The following KCNJ3 variants were observed in gnomAD, a reference collection of about 807,000 sequenced individuals.
KCNJ3 encodes the protein G protein-activated inward rectifier potassium channel 1.
KCNJ3 carries 4 observed loss-of-function variants against 39.2 expected under a neutral mutation model. That is an observed-to-expected ratio of 0.10 (90% CI 0.05 to 0.23). The LOEUF is 0.23. Ranked by LOEUF, KCNJ3 falls within the 10% of genes least tolerant of loss-of-function variation. The probability of loss-of-function intolerance (pLI) is 1.00; values close to 1 mark genes in which losing one functional copy is unlikely to be tolerated. For missense variants in KCNJ3, 276 were observed against 634.9 expected, an observed-to-expected ratio of 0.43 and a Z score of 6.08; for synonymous variants, 230 against 237.4, an observed-to-expected ratio of 0.97 and a Z score of 0.29.
At chr2:154,836,627 T>C (rs1212770945) in intron 2 of KCNJ3, among the ~76,000 whole-genome samples, 1 of 152,272 alleles carries the variant, frequency 6.6e-6, no homozygotes, top group East Asian at 1.9e-4. Context: ...TAATATATAT[T>C]TGTGATTATT....
At chr2:154,722,888 T>G (rs944529800) in intron 2 of KCNJ3, among the ~76,000 whole-genome samples, 3 of 152,194 alleles carry the variant, frequency 2.0e-5, no homozygotes, top group African/African-American at 7.2e-5. Context: ...AAACTCAAAG[T>G]ATGTAACATT....
At chr2:154,772,765 A>G (rs1186804193) in intron 2 of KCNJ3, among the ~76,000 whole-genome samples, 3 of 151,806 alleles carry the variant, frequency 2.0e-5, no homozygotes, top group Admixed American at 1.3e-4. Flanking sequence ...TTCAGAGACC[A>G]TTTCTTGTAA....
chr2:154,704,880 C>T (rs970165969), intron 1 of KCNJ3, among the ~76,000 whole-genome samples: 1 of 152,128 alleles, frequency 6.6e-6, no homozygotes, highest in Non-Finnish European at 1.5e-5. Flanking sequence ...CACACACACA[C>T]ATAAATGCAT....
intron 2 of KCNJ3, among the ~76,000 whole-genome samples, chr2:154,844,070 T>C (rs751299654): frequency 5.3e-5 from 8 of 152,244 alleles, no homozygotes; most frequent in Non-Finnish European, 1.2e-4. Flanking sequence ...TTTCTCCCCA[T>C]CTTTGTGGTT....
chr2:154,782,087 CTTCATCATG>C (rs1443317182), intron 2 of KCNJ3, among the ~76,000 whole-genome samples: 1 of 152,104 alleles, frequency 6.6e-6, no homozygotes, highest in Non-Finnish European at 1.5e-5. Context: ...CTTTTAGGAG[CTTCATCATG>C]TTCATCATGT....
chr2:154,835,483 AT>A (rs1276870601), intron 2 of KCNJ3, among the ~76,000 whole-genome samples: 6 of 148,332 alleles, frequency 4.0e-5, no homozygotes, highest in African/African-American at 1.5e-4. Flanking sequence ...AATATATAAT[AT>A]TCATGAATAT....
At chr2:154,764,139 C>T (rs1021917227) in intron 2 of KCNJ3, among the ~76,000 whole-genome samples, 6 of 152,168 alleles carry the variant, frequency 3.9e-5, no homozygotes, top group Admixed American at 1.3e-4. Context: ...TTCTTAAGCA[C>T]GAAAAGTGCT....
chr2:154,759,609 A>G (rs1415635573), intron 2 of KCNJ3, among the ~76,000 whole-genome samples: 1 of 152,100 alleles, frequency 6.6e-6, no homozygotes, highest in Non-Finnish European at 1.5e-5. Context: ...ATCTGTATAC[A>G]TAATCACTAA....
chr2:154,755,495 A>G (rs1685921767), intron 2 of KCNJ3, among the ~76,000 whole-genome samples: 1 of 151,250 alleles, frequency 6.6e-6, no homozygotes, highest in African/African-American at 2.4e-5. Flanking sequence ...TGCATGCCAT[A>G]AAAAAGGTTA....
chr2:154,734,294 A>G (rs895581096), intron 2 of KCNJ3, among the ~76,000 whole-genome samples: 2 of 152,200 alleles, frequency 1.3e-5, no homozygotes, highest in African/African-American at 4.8e-5. Flanking sequence ...AAATAGCTGG[A>G]AATACTTGTC....
At chr2:154,724,704 G>A (rs1685318612) in intron 2 of KCNJ3, among the ~76,000 whole-genome samples, 1 of 151,648 alleles carries the variant, frequency 6.6e-6, no homozygotes, top group Non-Finnish European at 1.5e-5. Flanking sequence ...CGTGTCAAAT[G>A]GGAAAATGAA....
intron 2 of KCNJ3, among the ~76,000 whole-genome samples, chr2:154,840,132 T>A (rs1687550037): frequency 6.6e-6 from 1 of 152,196 alleles, no homozygotes; most frequent in African/African-American, 2.4e-5. Context: ...AAGGAAGGGA[T>A]TCAGTTTCAG....
chr2:154,728,931 T>G (rs930719525), intron 2 of KCNJ3, among the ~76,000 whole-genome samples: 10 of 152,276 alleles, frequency 6.6e-5, no homozygotes, highest in Middle Eastern at 3.4e-3. Context: ...GTTAGTGGGT[T>G]TAGCACATTA....
At chr2:154,837,166 G>C (rs372561248) in intron 2 of KCNJ3, among the ~76,000 whole-genome samples, 1 of 152,072 alleles carries the variant, frequency 6.6e-6, no homozygotes, top group African/African-American at 2.4e-5. Flanking sequence ...AATGTAACTA[G>C]ATATGCATCT....
rs70983747 is a variant in KCNJ3, at chr2:154,857,886, CAAAAAAAAA to C, written c.*2606_*2614del. ...ACAGTGCGAGACTCCATCTCAACAT[CAAAAAAAAA>C]AAAAAAAAAAAAAAAAAAAAAAAAA... On this transcript the variant is annotated 3_prime_UTR_variant, in exon 3 of 3. Transcript: ENST00000295101. 7.4e-4 allele frequency: 31 copies of C among 41,948 alleles called. No homozygotes were observed. Among genetic ancestry groups the C allele is most frequent in the African/African-American group, 4.2e-3 (29 of 6,936 alleles). 2.6% of individuals were successfully genotyped at this position (41,948 alleles called of 1,614,324 possible).
chr2:154,723,851 T>C (rs1685304931), intron 2 of KCNJ3, among the ~76,000 whole-genome samples: 1 of 152,156 alleles, frequency 6.6e-6, no homozygotes, highest in Non-Finnish European at 1.5e-5. Context: ...GTTCAAAACA[T>C]AGTCTTTTAA....
At chr2:154,798,365 T>A (rs1686756809) in intron 2 of KCNJ3, among the ~76,000 whole-genome samples, 1 of 152,154 alleles carries the variant, frequency 6.6e-6, no homozygotes. Flanking sequence ...TAAAATTGAG[T>A]GCAATCTCAA....
intron 2 of KCNJ3, among the ~76,000 whole-genome samples, chr2:154,727,813 G>GA (rs1685386417): frequency 1.3e-5 from 2 of 151,452 alleles, no homozygotes; most frequent in South Asian, 2.1e-4. Flanking sequence ...TGTCATAGTA[G>GA]AAAAAATGCT....
intron 2 of KCNJ3, among the ~76,000 whole-genome samples, chr2:154,799,678 C>A (rs1686777871): frequency 6.6e-6 from 1 of 152,134 alleles, no homozygotes; most frequent in South Asian, 2.1e-4. Context: ...ATTTCAGGTT[C>A]TTCTTTAAGT....
Sources: gnomAD v4.1 joint callset for allele counts (sites outside exome capture counted in the v4.1 genomes callset) on GRCh38, gnomAD v4.1.1 for gene constraint, MANE v1.5 for transcripts, NCBI Gene and HGNC (gene_info 2026-07-23, HGNC 2026-07-21) for gene names.